TCN1: variants seen among roughly 807,000 people sequenced by gnomAD.
TCN1 encodes transcobalamin-1.
In TCN1, 47 loss-of-function variants were observed where a neutral mutation model predicts 46.3. That is an observed-to-expected ratio of 1.01 (90% confidence interval 0.80 to 1.29). The LOEUF is 1.29. Among genes scored for constraint, TCN1 ranks in the 50% most tolerant of loss-of-function variants. The pLI is 0.00. For missense variants in TCN1, 532 were observed against 511.0 expected, an observed-to-expected ratio of 1.04 and a Z score of -0.40; for synonymous variants, 183 against 192.5, an observed-to-expected ratio of 0.95 and a Z score of 0.41.
chr11:59,856,608 G>A (rs764934842), intron 5 of TCN1, among the ~76,000 whole-genome samples: 1 of 152,162 alleles, frequency 6.6e-6, no homozygotes, highest in Non-Finnish European at 1.5e-5. Flanking sequence ...GAATGGCCAG[G>A]ACATGACCTG....
intron 5 of TCN1, 27 bp from the exon 6 acceptor site, chr11:59,856,085 G>GGGGGGGGGGGGGGGT: frequency 1.0e-5 from 6 of 585,324 alleles, no homozygotes; most frequent in East Asian, 4.9e-5. Context: ...GGGTGGGGGG[G>GGGGGGGGGGGGGGGT]TGATGAGAGA....
At position 59,856,060 on chromosome 11, in the gene TCN1, T is replaced by G; in HGVS notation, c.748-2A>C. Reference sequence around the variant, plus strand: ...ATAGTCTGATGATACAAAGAGGGCCTAATGAGGCAGGGTGGGGTGGGGGGG... The same window carrying G: ...ATAGTCTGATGATACAAAGAGGGCCGAATGAGGCAGGGTGGGGTGGGGGGG... On this transcript the variant is annotated splice_acceptor_variant, in intron 5 of 8. Transcript: ENST00000257264. LOFTEE classifies it high-confidence loss of function. 1 of 985,246 alleles carries G rather than the reference T, an allele frequency of 1.0e-6. No homozygotes were observed. The allele number at this position is 985,246 out of a possible 1,614,324, so 61.0% of individuals were successfully genotyped here. A position where few individuals can be genotyped will look rare whatever the true frequency, so the allele number is the denominator to read the frequency against.
rs1334778410 is a variant in TCN1, at chr11:59,854,733, A to G, written c.1040T>C (p.Phe347Ser). ...NYSVRINETYFTNVTVLNGSV... is the reference protein window; with the variant it reads ...NYSVRINETYSTNVTVLNGSV... Reference sequence around the variant, plus strand: ...ACCATTTAGCACAGTGACATTGGTGAAATATGTTTCATTGATTCTCACAGA... The same window carrying G: ...ACCATTTAGCACAGTGACATTGGTGGAATATGTTTCATTGATTCTCACAGA... Residue 347 changes from phenylalanine (F) to serine (S), a missense_variant, in exon 7 of 9, where the codon TTC (phenylalanine) becomes TCC (serine). Coordinates refer to ENST00000257264, the MANE Select transcript of TCN1 (RefSeq NM_001062.4). The G allele has an allele frequency of 6.2e-7, 1 of 1,614,032 alleles. No homozygotes were observed. The highest frequency in any genetic ancestry group is 1.1e-5 in the South Asian group (1 of 91,090).
chr11:59,863,843 G>T, intron 2 of TCN1, 64 bp downstream of exon 2: 1 of 1,582,512 alleles, frequency 6.3e-7, no homozygotes, highest in Admixed American at 1.7e-5. Context: ...TTTAGGATTA[G>T]TTGCAGATAA....
chr11:59,866,336 C>G, intron 1 of TCN1, 56 bp downstream of exon 1: 1 of 1,555,312 alleles, frequency 6.4e-7, no homozygotes, highest in Non-Finnish European at 8.9e-7. Flanking sequence ...AGTCTCTTGT[C>G]AACAGTTTTC....
At chr11:59,860,447 C>T (rs1257476712) in intron 4 of TCN1, among the ~76,000 whole-genome samples, 3 of 149,740 alleles carry the variant, frequency 2.0e-5, no homozygotes, top group Non-Finnish European at 3.0e-5. Context: ...TTTTTAAATA[C>T]AATTCTGGGT....
chr11:59,864,186 G>GCCATTC, intron 1 of TCN1, 100 bp from the exon 2 acceptor site: 1 of 1,345,842 alleles, frequency 7.4e-7, no homozygotes, highest in Non-Finnish European at 1.1e-6. Flanking sequence ...ATATGGCACA[G>GCCATTC]ACCTAGACCA....
At chr11:59,857,083 A>G (rs376621952) in intron 5 of TCN1, among the ~76,000 whole-genome samples, 4 of 152,318 alleles carry the variant, frequency 2.6e-5, no homozygotes, top group African/African-American at 7.2e-5. Context: ...GGATATTAAG[A>G]AAAAAGAAAA....
At chr11:59,858,244 AAAGGG>A (rs1202361809) in intron 5 of TCN1, among the ~76,000 whole-genome samples, 1 of 152,210 alleles carries the variant, frequency 6.6e-6, no homozygotes, top group African/African-American at 2.4e-5. Context: ...AAGCATAGAC[AAAGGG>A]ATGAGTCACT....
intron 1 of TCN1, among the ~76,000 whole-genome samples, chr11:59,866,006 C>G (rs1178149726): frequency 6.6e-6 from 1 of 152,058 alleles, no homozygotes; most frequent in African/African-American, 2.4e-5. Flanking sequence ...AAAAATCATG[C>G]ATTGAATTTC....
intron 2 of TCN1, 38 bp downstream of exon 2, chr11:59,863,869 A>AT (rs748009825): frequency 1.7e-5 from 28 of 1,610,916 alleles, no homozygotes; most frequent in South Asian, 1.2e-4. Context: ...AAATAGGTAG[A>AT]TTTTTTTCTA....
intron 1 of TCN1, among the ~76,000 whole-genome samples, chr11:59,864,504 C>A (rs898185165): frequency 1.3e-5 from 2 of 152,154 alleles, no homozygotes; most frequent in Admixed American, 6.5e-5. Flanking sequence ...GGATTCAGTT[C>A]TTTCCTTCTC....
chr11:59,853,193 T>A lies in TCN1; in HGVS notation c.1240+10A>T. 6.2e-7 allele frequency: 1 copy of A among 1,614,016 alleles called. No individual in the cohort carries two copies. The highest frequency in any genetic ancestry group is 8.5e-7 in the Non-Finnish European group (1 of 1,179,894). Reference sequence around the variant, plus strand: ...TTAGCATGGGTCTTTTTGGCATGTCTCTCCCTTACCTTGGCTCAGTGGTTC... The same window carrying A: ...TTAGCATGGGTCTTTTTGGCATGTCACTCCCTTACCTTGGCTCAGTGGTTC... On this transcript the variant is annotated intron_variant, in intron 8 of 8. Coordinates refer to ENST00000257264, the MANE Select transcript of TCN1 (RefSeq NM_001062.4).
intron 5 of TCN1, among the ~76,000 whole-genome samples, chr11:59,857,078 T>C (rs1467919535): frequency 6.6e-6 from 1 of 152,148 alleles, no homozygotes; most frequent in Admixed American, 6.5e-5. Flanking sequence ...TTGTGGGATA[T>C]TAAGAAAAAA....
intron 1 of TCN1, among the ~76,000 whole-genome samples, chr11:59,865,965 T>G (rs1445572245): frequency 6.6e-6 from 1 of 152,130 alleles, no homozygotes; most frequent in Non-Finnish European, 1.5e-5. Flanking sequence ...AGATTATTAT[T>G]TTTTTCTATG....
Position 59,863,999 on chromosome 11 carries a change from T to C in TCN1, c.167A>G (p.Asn56Ser), listed in dbSNP as rs2135111064. The C allele has an allele frequency of 6.2e-7, 1 of 1,613,974 alleles. No homozygotes were observed. Among genetic ancestry groups the C allele is most frequent in the African/African-American group, 1.3e-5 (1 of 75,042 alleles). Residue 56 changes from asparagine (N) to serine (S), a missense_variant, in exon 2 of 9, where the codon AAT becomes AGT. Transcript: ENST00000257264. ...AACAAGTTTGAGGGACAACACAACA[T>C]TGACAGCGCTGGTTCCCCTGTTATA... ...SNYNRGTSAVNVVLSLKLVGI... is the reference protein window; with the variant it reads ...SNYNRGTSAVSVVLSLKLVGI...
At chr11:59,860,367 G>C (rs1853003726) in intron 4 of TCN1, among the ~76,000 whole-genome samples, 1 of 151,804 alleles carries the variant, frequency 6.6e-6, no homozygotes, top group African/African-American at 2.4e-5. Context: ...GACCTCAGGT[G>C]ATCCACCCGC....
At chr11:59,854,521 T>C (rs1852904931) in intron 7 of TCN1, 131 bp downstream of exon 7, 1 of 905,640 alleles carries the variant, frequency 1.1e-6, no homozygotes, top group Admixed American at 2.0e-5. Flanking sequence ...TGCTGTGAGA[T>C]GTAGATGGAC....
intron 5 of TCN1, among the ~76,000 whole-genome samples, chr11:59,858,320 A>T (rs986702995): frequency 1.4e-5 from 2 of 142,170 alleles, no homozygotes; most frequent in African/African-American, 2.8e-5. Flanking sequence ...AATTATGCAC[A>T]ATTTAAAACT....
Sources: gnomAD v4.1 joint callset for allele counts (sites outside exome capture counted in the v4.1 genomes callset) on GRCh38, gnomAD v4.1.1 for gene constraint, MANE v1.5 for transcripts, NCBI Gene and HGNC (gene_info 2026-07-23, HGNC 2026-07-21) for gene names.